CACNA2D3: variants seen among roughly 807,000 people sequenced by gnomAD.
CACNA2D3 encodes calcium voltage-gated channel auxiliary subunit alpha2delta 3, also known as voltage-dependent calcium channel subunit alpha-2/delta-3.
CACNA2D3 carries 60 observed loss-of-function variants against 160.6 expected under a neutral mutation model. That is an observed-to-expected ratio of 0.37 (90% CI 0.30 to 0.46). The LOEUF (loss-of-function observed/expected upper bound fraction) is 0.46, where lower values mean the gene tolerates loss of function less well. Ranked by LOEUF, CACNA2D3 falls within the 20% of genes least tolerant of loss-of-function variation. The pLI, the probability that CACNA2D3 is intolerant of heterozygous loss-of-function variation, is 1.00. For synonymous variants in CACNA2D3, 558 were observed against 492.9 expected (o/e 1.13, Z -1.75); for missense variants, 1,205 against 1,365.0 (o/e 0.88, Z 1.85).
intron 11 of CACNA2D3, among the ~76,000 whole-genome samples, chr3:54,646,261 A>G (rs796502463): frequency 4.4e-4 from 62 of 141,866 alleles, no homozygotes; most frequent in African/African-American, 8.2e-4. Flanking sequence ...CTCTCTCTCA[A>G]TCTTTTAAGT....
At chr3:54,999,174 A>G (rs925517513) in intron 31 of CACNA2D3, among the ~76,000 whole-genome samples, 4 of 152,234 alleles carry the variant, frequency 2.6e-5, no homozygotes, top group African/African-American at 9.6e-5. Context: ...CATCTCTGCA[A>G]GAAGTTGCTG....
At chr3:54,155,374 A>G (rs1237853101) in intron 2 of CACNA2D3, among the ~76,000 whole-genome samples, 1 of 152,156 alleles carries the variant, frequency 6.6e-6, no homozygotes. Flanking sequence ...CACATCATAC[A>G]GCTTGTCTGG....
intron 31 of CACNA2D3, among the ~76,000 whole-genome samples, chr3:54,996,282 CT>C (rs962148175): frequency 1.7e-4 from 26 of 152,324 alleles, no homozygotes; most frequent in African/African-American, 6.0e-4. Flanking sequence ...CAGAATTCAG[CT>C]TTTTCCTTCT....
At chr3:54,566,249 T>C (rs1291624800) in intron 6 of CACNA2D3, among the ~76,000 whole-genome samples, 1 of 152,202 alleles carries the variant, frequency 6.6e-6, no homozygotes, top group African/African-American at 2.4e-5. Context: ...ACCTGCCCTT[T>C]CCACCCCACT....
chr3:55,059,416 AC>A (rs999942139), intron 35 of CACNA2D3, among the ~76,000 whole-genome samples: 9 of 152,066 alleles, frequency 5.9e-5, no homozygotes, highest in Middle Eastern at 3.4e-3. Flanking sequence ...GAGTTATCTG[AC>A]CCCCCTCGCA....
At chr3:54,625,509 C>T (rs1699077616) in intron 9 of CACNA2D3, among the ~76,000 whole-genome samples, 1 of 151,900 alleles carries the variant, frequency 6.6e-6, no homozygotes, top group Non-Finnish European at 1.5e-5. Flanking sequence ...AAGGGCCTAA[C>T]ACCAGGCAGG....
chr3:54,363,877 A>G (rs539222341), intron 3 of CACNA2D3, among the ~76,000 whole-genome samples: 1 of 152,286 alleles, frequency 6.6e-6, no homozygotes, highest in South Asian at 2.1e-4. Context: ...TCCTCTTAGC[A>G]TGCTGGCTTT....
At chr3:54,300,455 GCTT>G (rs1703447770) in intron 2 of CACNA2D3, among the ~76,000 whole-genome samples, 2 of 152,214 alleles carry the variant, frequency 1.3e-5, no homozygotes, top group Non-Finnish European at 2.9e-5. Flanking sequence ...ATGCTCTATA[GCTT>G]CTTCGCCTTC....
chr3:54,962,118 G>A (rs886610554), intron 27 of CACNA2D3, among the ~76,000 whole-genome samples: 1 of 152,048 alleles, frequency 6.6e-6, no homozygotes, highest in African/African-American at 2.4e-5. Context: ...GAGTCCTCGG[G>A]ACCCAATCAC....
intron 2 of CACNA2D3, among the ~76,000 whole-genome samples, chr3:54,242,444 A>G (rs1395623878): frequency 6.6e-6 from 1 of 152,234 alleles, no homozygotes; most frequent in East Asian, 1.9e-4. Context: ...CTCAGTCTCA[A>G]ATAAAAATGA....
intron 27 of CACNA2D3, among the ~76,000 whole-genome samples, chr3:54,953,510 A>G (rs1053052892): frequency 6.6e-6 from 1 of 152,214 alleles, no homozygotes; most frequent in African/African-American, 2.4e-5. Context: ...CAGATGGCCC[A>G]TGCTGTGCGT....
intron 3 of CACNA2D3, among the ~76,000 whole-genome samples, chr3:54,381,099 A>G (rs562090832): frequency 7.9e-5 from 12 of 152,372 alleles, no homozygotes; most frequent in Non-Finnish European, 1.8e-4. Flanking sequence ...AAAACATTAC[A>G]TGAAAACCAC....
intron 4 of CACNA2D3, among the ~76,000 whole-genome samples, chr3:54,414,895 T>C (rs1699729564): frequency 6.6e-6 from 1 of 151,980 alleles, no homozygotes; most frequent in South Asian, 2.1e-4. Context: ...TTTTAAATAA[T>C]TCATTTTAAA....
At chr3:54,319,886 C>G (rs1020880800) in intron 2 of CACNA2D3, among the ~76,000 whole-genome samples, 1 of 152,138 alleles carries the variant, frequency 6.6e-6, no homozygotes, top group Admixed American at 6.5e-5. Flanking sequence ...TTGCAAATCT[C>G]TTTAATATTT....
intron 2 of CACNA2D3, among the ~76,000 whole-genome samples, chr3:54,294,712 A>G (rs1372714822): frequency 6.6e-6 from 1 of 152,150 alleles, no homozygotes; most frequent in African/African-American, 2.4e-5. Flanking sequence ...CTTGACGGGC[A>G]TTTCCAGTGC....
chr3:54,368,726 G>T (rs1467590479), intron 3 of CACNA2D3, among the ~76,000 whole-genome samples: 1 of 126,288 alleles, frequency 7.9e-6, no homozygotes, highest in Non-Finnish European at 1.6e-5. Flanking sequence ...TTTTGAGGCG[G>T]AGTCTCACTC....
At chr3:54,702,039 G>A (rs1187951623) in intron 11 of CACNA2D3, among the ~76,000 whole-genome samples, 1 of 152,130 alleles carries the variant, frequency 6.6e-6, no homozygotes, top group African/African-American at 2.4e-5. Context: ...AAATGGTGCT[G>A]GGATAATTGG....
At chr3:54,305,647 G>A (rs1158888200) in intron 2 of CACNA2D3, among the ~76,000 whole-genome samples, 2 of 152,256 alleles carry the variant, frequency 1.3e-5, no homozygotes, top group African/African-American at 4.8e-5. Context: ...AGCAGTGGCA[G>A]ATCACCATTC....
At chr3:54,442,929 T>G (rs976318104) in intron 4 of CACNA2D3, among the ~76,000 whole-genome samples, 1 of 152,176 alleles carries the variant, frequency 6.6e-6, no homozygotes, top group Non-Finnish European at 1.5e-5. Flanking sequence ...TTTGGTTGCT[T>G]ATGAAACCCA....
Sources: gnomAD v4.1 joint callset for allele counts (sites outside exome capture counted in the v4.1 genomes callset) on GRCh38, gnomAD v4.1.1 for gene constraint, MANE v1.5 for transcripts, NCBI Gene and HGNC (gene_info 2026-07-23, HGNC 2026-07-21) for gene names.